Variants in HS3ST4 observed in about 807,000 individuals in gnomAD.
The protein encoded by HS3ST4 is heparan sulfate glucosamine 3-O-sulfotransferase 4.
In HS3ST4, 17 loss-of-function variants were observed where a neutral mutation model predicts 29.2. The ratio of observed to expected loss-of-function variants is 0.58; its 90% CI spans 0.40 to 0.87. The LOEUF is 0.87. HS3ST4 is among the 40% of genes least tolerant of loss of function. The probability of loss-of-function intolerance (pLI) is 0.00; values close to 1 mark genes in which losing one functional copy is unlikely to be tolerated. For synonymous variants in HS3ST4, 314 were observed against 285.7 expected (o/e 1.10, Z -1.00); for missense variants, 627 against 634.5 (o/e 0.99, Z 0.13).
intron 1 of HS3ST4, among the ~76,000 whole-genome samples, chr16:25,859,778 T>C (rs1312341932): frequency 6.6e-6 from 1 of 152,162 alleles, no homozygotes; most frequent in Non-Finnish European, 1.5e-5. Context: ...CCATCATATG[T>C]CATTCAGGAA....
intron 1 of HS3ST4, among the ~76,000 whole-genome samples, chr16:26,063,299 C>G (rs1898502069): frequency 6.6e-6 from 1 of 152,136 alleles, no homozygotes; most frequent in African/African-American, 2.4e-5. Flanking sequence ...CCAACCCCTT[C>G]CATTGGTTGA....
At chr16:26,038,153 G>A (rs1045471769) in intron 1 of HS3ST4, among the ~76,000 whole-genome samples, 3 of 152,134 alleles carry the variant, frequency 2.0e-5, no homozygotes, top group Admixed American at 1.3e-4. Context: ...GTCCCTCAGC[G>A]ACGTCAAGCT....
chr16:26,086,025 A>G, intron 1 of HS3ST4, among the ~76,000 whole-genome samples: 1 of 152,136 alleles, frequency 6.6e-6, no homozygotes, highest in East Asian at 1.9e-4. Context: ...CCATATTGTC[A>G]TCTGTAAAAT....
intron 1 of HS3ST4, among the ~76,000 whole-genome samples, chr16:25,797,769 A>C (rs542499188): frequency 6.6e-6 from 1 of 152,202 alleles, no homozygotes; most frequent in African/African-American, 2.4e-5. Flanking sequence ...AATGGATAAC[A>C]GTTAGAATCC....
chr16:25,777,446 TGCACGTCC>T (rs1966848629), intron 1 of HS3ST4, among the ~76,000 whole-genome samples: 1 of 144,014 alleles, frequency 6.9e-6, no homozygotes, highest in African/African-American at 2.6e-5. Flanking sequence ...TGTGTGTGTG[TGCACGTCC>T]GTGTGTGTGT....
At chr16:25,938,900 G>C (rs933063152) in intron 1 of HS3ST4, among the ~76,000 whole-genome samples, 1 of 152,180 alleles carries the variant, frequency 6.6e-6, no homozygotes, top group Non-Finnish European at 1.5e-5. Flanking sequence ...GGAGGTAACT[G>C]TTGGCTTATA....
intron 1 of HS3ST4, among the ~76,000 whole-genome samples, chr16:25,780,174 A>G (rs768360073): frequency 1.9e-4 from 29 of 152,152 alleles, no homozygotes; most frequent in Non-Finnish European, 3.2e-4. Context: ...ACCGTGTTCA[A>G]TCCTGCCTCT....
At chr16:26,078,220 A>C (rs1379357624) in intron 1 of HS3ST4, among the ~76,000 whole-genome samples, 1 of 152,148 alleles carries the variant, frequency 6.6e-6, no homozygotes, top group Non-Finnish European at 1.5e-5. Context: ...GGCACACTGC[A>C]AGCTCTGCCT....
At chr16:25,813,001 G>T (rs538876930) in intron 1 of HS3ST4, among the ~76,000 whole-genome samples, 1 of 152,264 alleles carries the variant, frequency 6.6e-6, no homozygotes, top group South Asian at 2.1e-4. Flanking sequence ...TTACAGATAT[G>T]GCTCAACTCA....
At chr16:25,828,827 C>G (rs1298095440) in intron 1 of HS3ST4, among the ~76,000 whole-genome samples, 68 of 152,186 alleles carry the variant, frequency 4.5e-4, no homozygotes, top group Admixed American at 4.4e-3. Flanking sequence ...AGCTTTTTTA[C>G]TAGTCAGTTT....
chr16:26,046,810 A>T (rs1256141419), intron 1 of HS3ST4, among the ~76,000 whole-genome samples: 1 of 152,120 alleles, frequency 6.6e-6, no homozygotes, highest in East Asian at 1.9e-4. Flanking sequence ...ACATTCATTT[A>T]ATCTGCACAG....
At chr16:26,087,979 C>T (rs890666687) in intron 1 of HS3ST4, among the ~76,000 whole-genome samples, 2 of 152,108 alleles carry the variant, frequency 1.3e-5, no homozygotes, top group African/African-American at 2.4e-5. Flanking sequence ...TTTGATTATA[C>T]CCATCACATC....
intron 1 of HS3ST4, among the ~76,000 whole-genome samples, chr16:25,767,975 T>C (rs1966831982): frequency 6.6e-6 from 1 of 152,192 alleles, no homozygotes; most frequent in Non-Finnish European, 1.5e-5. Context: ...GAGTCACATC[T>C]TTTCTTCTTG....
At chr16:26,018,415 C>T (rs924447663) in intron 1 of HS3ST4, among the ~76,000 whole-genome samples, 3 of 152,094 alleles carry the variant, frequency 2.0e-5, no homozygotes, top group Non-Finnish European at 4.4e-5. Context: ...TTTATTCTTC[C>T]GTTGTTTTCA....
intron 1 of HS3ST4, among the ~76,000 whole-genome samples, chr16:25,987,787 T>G (rs1461186844): frequency 1.3e-5 from 2 of 151,072 alleles, no homozygotes; most frequent in Non-Finnish European, 3.0e-5. Context: ...TTTTTTTTTT[T>G]GAGGCGGAGT....
At chr16:25,895,364 G>T (rs965750863) in intron 1 of HS3ST4, among the ~76,000 whole-genome samples, 1 of 152,180 alleles carries the variant, frequency 6.6e-6, no homozygotes. Context: ...GGACGATGGA[G>T]AATGATTGAA....
At chr16:25,969,164 C>G (rs1384061761) in intron 1 of HS3ST4, among the ~76,000 whole-genome samples, 2 of 150,746 alleles carry the variant, frequency 1.3e-5, no homozygotes, top group Non-Finnish European at 2.9e-5. Flanking sequence ...ATTACTACTG[C>G]TATCCACTAT....
At chr16:25,810,796 C>T (rs540113066) in intron 1 of HS3ST4, among the ~76,000 whole-genome samples, 9 of 152,206 alleles carry the variant, frequency 5.9e-5, no homozygotes, top group South Asian at 4.2e-4. Context: ...TGTTTTCCCC[C>T]GGTTGTATAA....
intron 1 of HS3ST4, among the ~76,000 whole-genome samples, chr16:25,741,335 A>G (rs2141597671): frequency 8.1e-6 from 1 of 123,488 alleles, no homozygotes; most frequent in South Asian, 2.8e-4. Flanking sequence ...CCAGCACTGC[A>G]TTTCTTAAAG....
Sources: gnomAD v4.1 joint callset for allele counts (sites outside exome capture counted in the v4.1 genomes callset) on GRCh38, gnomAD v4.1.1 for gene constraint, MANE v1.5 for transcripts, NCBI Gene and HGNC (gene_info 2026-07-23, HGNC 2026-07-21) for gene names.